PDE1C: variants seen among roughly 807,000 people sequenced by gnomAD.
The protein encoded by PDE1C is dual specificity calcium/calmodulin-dependent 3',5'-cyclic nucleotide phosphodiesterase 1C.
A neutral mutation model predicts 93.1 loss-of-function variants in PDE1C; 62 were observed. That is an observed-to-expected ratio of 0.67 (90% CI 0.54 to 0.82). PDE1C has a LOEUF of 0.82. Among genes scored for constraint, PDE1C ranks in the 40% least tolerant of loss-of-function variants. The pLI, the probability that PDE1C is intolerant of heterozygous loss-of-function variation, is 0.00. For missense variants in PDE1C, 742 were observed against 884.6 expected (o/e 0.84, Z 2.04); for synonymous variants, 325 against 310.1 (o/e 1.05, Z -0.50).
chr7:32,346,473 CAT>C (rs1326906439), intron 1 of PDE1C, among the ~76,000 whole-genome samples: 2 of 152,222 alleles, frequency 1.3e-5, no homozygotes, highest in Non-Finnish European at 2.9e-5. Flanking sequence ...TGCAGTGGGA[CAT>C]GTGTGCATGG....
At chr7:31,814,901 G>C (rs537342037) in intron 15 of PDE1C, among the ~76,000 whole-genome samples, 2 of 151,860 alleles carry the variant, frequency 1.3e-5, no homozygotes, top group South Asian at 4.2e-4. Context: ...ATCTAGGTCT[G>C]TTGACTGCTA....
chr7:32,334,904 C>T (rs566750036), intron 1 of PDE1C, among the ~76,000 whole-genome samples: 83 of 152,060 alleles, frequency 5.5e-4, no homozygotes, highest in Non-Finnish European at 9.4e-4. Context: ...TCAAATTTTA[C>T]ACCATAAATA....
intron 3 of PDE1C, among the ~76,000 whole-genome samples, chr7:32,111,623 C>A (rs1479894831): frequency 6.6e-6 from 1 of 152,098 alleles, no homozygotes; most frequent in Non-Finnish European, 1.5e-5. Context: ...AACTGAGATT[C>A]AGACCAGGAG....
chr7:31,836,059 T>C lies in PDE1C; in HGVS notation c.1203+1121A>G, dbSNP rs79871205. Among the ~76,000 whole-genome samples the C allele has an allele frequency of 6.2e-3, 949 of 152,362 alleles. 11 individuals are homozygous for C. Among genetic ancestry groups the C allele is most frequent in the African/African-American group, 0.022 (905 of 41,584 alleles). ...TCTGAATCCATGCTGTTGAATCTCT[T>C]TTCTTGAATTAGCAAGAATTAACTG... is the stretch of plus-strand genomic sequence containing the variant. On this transcript the variant is annotated intron_variant, in intron 11 of 17. Transcript: ENST00000396191.
At chr7:32,176,589 T>C (rs1803004669) in intron 2 of PDE1C, among the ~76,000 whole-genome samples, 2 of 152,222 alleles carry the variant, frequency 1.3e-5, no homozygotes, top group Non-Finnish European at 2.9e-5. Context: ...CTGTATGTGA[T>C]ATTAGTAACA....
intron 2 of PDE1C, among the ~76,000 whole-genome samples, chr7:31,995,910 C>T (rs942324885): frequency 6.6e-6 from 1 of 152,076 alleles, no homozygotes; most frequent in Non-Finnish European, 1.5e-5. Flanking sequence ...TTCAGGCTGC[C>T]TATTTAGAGA....
intron 1 of PDE1C, among the ~76,000 whole-genome samples, chr7:32,400,430 G>C (rs113447072): frequency 1.6e-4 from 22 of 141,000 alleles, no homozygotes; most frequent in Middle Eastern, 3.6e-3. Context: ...AAAGAAAAAA[G>C]AAAATGGGAG....
At chr7:32,043,030 C>T (rs1379881003) in intron 2 of PDE1C, among the ~76,000 whole-genome samples, 1 of 152,176 alleles carries the variant, frequency 6.6e-6, no homozygotes, top group Non-Finnish European at 1.5e-5. Flanking sequence ...CAGTGGTTCT[C>T]AACTAGAGGT....
chr7:31,845,980 G>T lies in PDE1C; in HGVS notation c.980+1988C>A, dbSNP rs539994009. Among the ~76,000 whole-genome samples the T allele has an allele frequency of 1.4e-3, 211 of 152,148 alleles. 2 individuals are homozygous for T. Among genetic ancestry groups the T allele is most frequent in the African/African-American group, 4.8e-3 (201 of 41,532 alleles). On this transcript the variant is annotated intron_variant, in intron 9 of 17. Transcript: ENST00000396191. ...TGCACTCCAGTCTAGGTGACAGAGTGAGACTCTGTCTCAAAATAATAATAA... is the reference window on the plus strand; with the variant it reads ...TGCACTCCAGTCTAGGTGACAGAGTTAGACTCTGTCTCAAAATAATAATAA...
chr7:32,025,134 C>A (rs904992677), intron 2 of PDE1C, among the ~76,000 whole-genome samples: 1 of 152,142 alleles, frequency 6.6e-6, no homozygotes, highest in African/African-American at 2.4e-5. Flanking sequence ...GAATCTGGGC[C>A]ACAAGCTTGG....
intron 7 of PDE1C, among the ~76,000 whole-genome samples, chr7:31,860,802 C>T (rs749838104): frequency 2.0e-4 from 30 of 152,060 alleles, no homozygotes; most frequent in Non-Finnish European, 8.8e-5. Context: ...TAAACATATT[C>T]TCATTTTTTC....
At chr7:31,886,356 T>A (rs1303459067) in intron 2 of PDE1C, among the ~76,000 whole-genome samples, 2 of 152,220 alleles carry the variant, frequency 1.3e-5, no homozygotes, top group Admixed American at 6.5e-5. Context: ...TTTAATGCCA[T>A]CCAATGATGT....
intron 1 of PDE1C, among the ~76,000 whole-genome samples, chr7:32,405,820 T>C (rs1785040581): frequency 6.6e-6 from 1 of 152,206 alleles, no homozygotes; most frequent in African/African-American, 2.4e-5. Flanking sequence ...CTGTGCTTTA[T>C]CAATTATTCT....
At chr7:32,011,057 A>G (rs529460921) in intron 2 of PDE1C, among the ~76,000 whole-genome samples, 2 of 152,346 alleles carry the variant, frequency 1.3e-5, no homozygotes, top group South Asian at 4.1e-4. Flanking sequence ...TAAGAATGTT[A>G]TACTCTTCAA....
At chr7:32,252,519 C>A (rs897080075) in intron 1 of PDE1C, among the ~76,000 whole-genome samples, 5 of 152,120 alleles carry the variant, frequency 3.3e-5, no homozygotes, top group African/African-American at 4.8e-5. Flanking sequence ...GAATGACAAG[C>A]AAGAATTAAA....
At chr7:32,293,422 C>G (rs1027811495) in intron 1 of PDE1C, among the ~76,000 whole-genome samples, 2 of 152,206 alleles carry the variant, frequency 1.3e-5, no homozygotes, top group Middle Eastern at 3.4e-3. Context: ...TGCTCTCGGT[C>G]GAAGTGCAAA....
the PDE1C span, among the ~76,000 whole-genome samples, chr7:31,659,701 CT>C: frequency 6.6e-6 from 1 of 152,122 alleles, no homozygotes; most frequent in Non-Finnish European, 1.5e-5. Context: ...AGTCTCTTTT[CT>C]TGTAGTCTGA....
chr7:31,627,421 G>T, the PDE1C span, among the ~76,000 whole-genome samples: 1 of 152,138 alleles, frequency 6.6e-6, no homozygotes, highest in South Asian at 2.1e-4. Context: ...TCTTTGGGAG[G>T]TCAAGGCAGG....
chr7:32,022,532 T>C (rs1788826396), intron 2 of PDE1C, among the ~76,000 whole-genome samples: 1 of 151,976 alleles, frequency 6.6e-6, no homozygotes, highest in Non-Finnish European at 1.5e-5. Flanking sequence ...AATGAAGTGG[T>C]TTAAGGGGAG....
Sources: gnomAD v4.1 joint callset for allele counts (sites outside exome capture counted in the v4.1 genomes callset) on GRCh38, gnomAD v4.1.1 for gene constraint, MANE v1.5 for transcripts, NCBI Gene and HGNC (gene_info 2026-07-23, HGNC 2026-07-21) for gene names.